RUNDC3B: variants seen among roughly 807,000 people sequenced by gnomAD.
RUNDC3B encodes the protein RUN domain containing 3B, also known as RUN domain-containing protein 3B.
Under a neutral mutation model 58.4 loss-of-function variants are expected in RUNDC3B, and 33 were observed. The observed-to-expected ratio is 0.56, with a 90% confidence interval of 0.43 to 0.75. RUNDC3B has a LOEUF of 0.75. Ranked by LOEUF, RUNDC3B falls within the 30% of genes least tolerant of loss-of-function variation. The pLI is 0.00. For missense variants in RUNDC3B, 501 were observed against 535.7 expected, an observed-to-expected ratio of 0.94 and a Z score of 0.64; for synonymous variants, 193 against 195.2, an observed-to-expected ratio of 0.99 and a Z score of 0.10.
At chr7:87,722,410 A>G (rs1050008106) in intron 4 of RUNDC3B, among the ~76,000 whole-genome samples, 1 of 152,146 alleles carries the variant, frequency 6.6e-6, no homozygotes, top group African/African-American at 2.4e-5. Context: ...TTATAAGGTC[A>G]ACATTTTAAA....
At chr7:87,771,220 A>G (rs1834261250) in intron 7 of RUNDC3B, among the ~76,000 whole-genome samples, 1 of 151,840 alleles carries the variant, frequency 6.6e-6, no homozygotes. Context: ...TGTATTTTCT[A>G]TTTTTCTCTT....
At chr7:87,771,164 A>G (rs1178270435) in intron 7 of RUNDC3B, among the ~76,000 whole-genome samples, 1 of 152,144 alleles carries the variant, frequency 6.6e-6, no homozygotes, top group African/African-American at 2.4e-5. Flanking sequence ...ACAGAAAGAA[A>G]ACAAACTCTA....
chr7:87,777,365 A>AC (rs1834693501), intron 7 of RUNDC3B, among the ~76,000 whole-genome samples: 1 of 152,256 alleles, frequency 6.6e-6, no homozygotes, highest in African/African-American at 2.4e-5. Flanking sequence ...GGAATATGAC[A>AC]CTAGGCCAGC....
At chr7:87,736,334 C>G (rs1368554082) in intron 4 of RUNDC3B, among the ~76,000 whole-genome samples, 4 of 152,088 alleles carry the variant, frequency 2.6e-5, no homozygotes, top group African/African-American at 9.7e-5. Context: ...TATTATTCAC[C>G]TTGGATCCCA....
chr7:87,800,001 C>T (rs1836045027), intron 8 of RUNDC3B, among the ~76,000 whole-genome samples: 1 of 152,032 alleles, frequency 6.6e-6, no homozygotes, highest in South Asian at 2.1e-4. Flanking sequence ...CAGAATTGCT[C>T]ACTCACACTT....
rs761812472 is a variant in RUNDC3B at position 87,771,220 on chromosome 7, ATTTTTCTC to A, written c.798+477_798+484del. 1.8e-3 allele frequency among the ~76,000 whole-genome samples: 267 copies of A among 151,840 alleles called. 2 individuals carry two copies. The highest frequency in any genetic ancestry group is 3.9e-3 in the Admixed American group (59 of 15,256). ...CCATTACTTTTTTACTGTATTTTCT[ATTTTTCTC>A]TTTTTGTCTTCTTTTAATATCATTA... On this transcript the variant is annotated intron_variant, in intron 7 of 10. Transcript: ENST00000394654.
chr7:87,673,806 G>A (rs1826061529), intron 2 of RUNDC3B, among the ~76,000 whole-genome samples: 1 of 152,198 alleles, frequency 6.6e-6, no homozygotes, highest in Non-Finnish European at 1.5e-5. Context: ...GTTGCCAGAG[G>A]TCTTGTGCTG....
At chr7:87,711,182 C>T (rs1175303591) in intron 4 of RUNDC3B, among the ~76,000 whole-genome samples, 2 of 151,862 alleles carry the variant, frequency 1.3e-5, no homozygotes, top group African/African-American at 4.8e-5. Context: ...CAACATTAGC[C>T]AGGCATGGTG....
chr7:87,694,697 C>T (rs569799555), intron 2 of RUNDC3B, among the ~76,000 whole-genome samples: 2 of 151,478 alleles, frequency 1.3e-5, no homozygotes, highest in South Asian at 2.1e-4. Flanking sequence ...GGACTTCAGC[C>T]GTCATGTACG....
chr7:87,723,628 A>G (rs766948437), intron 4 of RUNDC3B, among the ~76,000 whole-genome samples: 1 of 152,218 alleles, frequency 6.6e-6, no homozygotes, highest in Admixed American at 6.5e-5. Flanking sequence ...GAGTAAAATT[A>G]CACTGAATTG....
intron 6 of RUNDC3B, among the ~76,000 whole-genome samples, chr7:87,746,427 A>G (rs540395294): frequency 1.3e-3 from 204 of 152,270 alleles, no homozygotes; most frequent in African/African-American, 4.8e-3. Flanking sequence ...CACAGCAACT[A>G]TTATTGTGTT....
In RUNDC3B at chr7:87,773,718, C is replaced by T. The variant is rs538942246; in HGVS notation, c.798+2969C>T. Among the ~76,000 whole-genome samples, 3 of 151,280 alleles carry T rather than the reference C, an allele frequency of 2.0e-5. No individual in the cohort carries two copies. The East Asian group carries it at 5.8e-4, about 29-fold the overall frequency. On this transcript the variant is annotated intron_variant, in intron 7 of 10. Transcript: ENST00000394654. ...TTTGAGATGGAGTCTCGCTTTGTCACCCAGGCTGGAGTGCAGTGGCGCGAT... is the reference window on the plus strand; with the variant it reads ...TTTGAGATGGAGTCTCGCTTTGTCATCCAGGCTGGAGTGCAGTGGCGCGAT...
At position 87,690,547 on chromosome 7, in the gene RUNDC3B, C is replaced by A. The variant is rs535268334; in HGVS notation, c.239-9874C>A. 2.6e-5 allele frequency among the ~76,000 whole-genome samples: 4 copies of A among 152,172 alleles called. No homozygotes were observed. The East Asian group carries it at 7.7e-4, about 29-fold the overall frequency. On this transcript the variant is annotated intron_variant, in intron 2 of 10. Transcript: ENST00000394654. ...AGCTTAAGAAAAGTTATATATAGTA[C>A]TACATTTTAACTTCAGAACCTGTTA...
At chr7:87,680,411 A>G (rs1269498590) in intron 2 of RUNDC3B, among the ~76,000 whole-genome samples, 1 of 150,832 alleles carries the variant, frequency 6.6e-6, no homozygotes, top group African/African-American at 2.5e-5. Context: ...CATGCAATTA[A>G]AGCAGCACTT....
intron 10 of RUNDC3B, among the ~76,000 whole-genome samples, chr7:87,827,518 A>G (rs1837882734): frequency 6.6e-6 from 1 of 152,102 alleles, no homozygotes; most frequent in Non-Finnish European, 1.5e-5. Flanking sequence ...AAAAACACAA[A>G]GCAGGGTAGC....
At chr7:87,676,694 ACC>A (rs1826391960) in intron 2 of RUNDC3B, among the ~76,000 whole-genome samples, 1 of 129,680 alleles carries the variant, frequency 7.7e-6, no homozygotes, top group Non-Finnish European at 1.6e-5. Context: ...ACAGAGCAAG[ACC>A]CTGTCTCAAA....
At chr7:87,805,293 T>C (rs1836378601) in intron 8 of RUNDC3B, among the ~76,000 whole-genome samples, 1 of 152,174 alleles carries the variant, frequency 6.6e-6, no homozygotes, top group Admixed American at 6.6e-5. Context: ...CATAGTGTAC[T>C]TGAGTGATGA....
At chr7:87,656,241 T>C (rs1350450440) in intron 2 of RUNDC3B, among the ~76,000 whole-genome samples, 3 of 152,048 alleles carry the variant, frequency 2.0e-5, no homozygotes, top group Admixed American at 1.3e-4. Context: ...ATACAATTTG[T>C]ATTTGTCAAT....
intron 4 of RUNDC3B, among the ~76,000 whole-genome samples, chr7:87,720,217 C>G (rs1177013291): frequency 6.6e-6 from 1 of 152,008 alleles, no homozygotes. Flanking sequence ...AGCTCTTAGA[C>G]ATATGAACAT....
Sources: gnomAD v4.1 joint callset for allele counts (sites outside exome capture counted in the v4.1 genomes callset) on GRCh38, gnomAD v4.1.1 for gene constraint, MANE v1.5 for transcripts, NCBI Gene and HGNC (gene_info 2026-07-23, HGNC 2026-07-21) for gene names.